Variants in BCL2 observed in about 807,000 individuals in gnomAD.
The protein encoded by BCL2 is apoptosis regulator Bcl-2.
A neutral mutation model predicts 14.2 loss-of-function variants in BCL2; 1 was observed. The ratio of observed to expected loss-of-function variants is 0.07; its 90% CI spans 0.02 to 0.33. BCL2 has a LOEUF of 0.33. Among genes scored for constraint, BCL2 ranks in the 10% least tolerant of loss-of-function variants. The pLI, the probability that BCL2 is intolerant of heterozygous loss-of-function variation, is 0.99. For missense variants in BCL2, 247 were observed against 305.9 expected, an observed-to-expected ratio of 0.81 and a Z score of 1.44; for synonymous variants, 151 against 137.2, an observed-to-expected ratio of 1.10 and a Z score of -0.70.
chr18:63,296,491 G>T (rs1568261717), intron 2 of BCL2, among the ~76,000 whole-genome samples: 1 of 152,148 alleles, frequency 6.6e-6, no homozygotes, highest in Non-Finnish European at 1.5e-5. Flanking sequence ...TTTTGTAGAG[G>T]CAGGGTTTTG....
chr18:63,274,127 T>C (rs565506081), intron 2 of BCL2, among the ~76,000 whole-genome samples: 2 of 151,436 alleles, frequency 1.3e-5, no homozygotes, highest in South Asian at 2.1e-4. Context: ...GGGAGAGATA[T>C]TTTTTCTCTC....
chr18:63,181,657 C>T (rs1915483789), intron 2 of BCL2, among the ~76,000 whole-genome samples: 1 of 152,232 alleles, frequency 6.6e-6, no homozygotes, highest in South Asian at 2.1e-4. Flanking sequence ...CATCATTAAG[C>T]TTCCCTTGCA....
At chr18:63,274,152 G>A (rs919028592) in intron 2 of BCL2, among the ~76,000 whole-genome samples, 1 of 151,968 alleles carries the variant, frequency 6.6e-6, no homozygotes, top group Non-Finnish European at 1.5e-5. Context: ...CTCTGAGTTG[G>A]CCAAATCTGG....
At chr18:63,272,887 T>C (rs1173343704) in intron 2 of BCL2, among the ~76,000 whole-genome samples, 1 of 152,220 alleles carries the variant, frequency 6.6e-6, no homozygotes, top group Admixed American at 6.5e-5. Context: ...TAAAAGCTAA[T>C]TATCCTATCT....
intron 2 of BCL2, among the ~76,000 whole-genome samples, chr18:63,196,209 CAAAG>C (rs1351376303): frequency 2.6e-5 from 4 of 152,214 alleles, no homozygotes; most frequent in African/African-American, 9.6e-5. Flanking sequence ...CAATGAACCA[CAAAG>C]AATCTTTCAG....
intron 2 of BCL2, among the ~76,000 whole-genome samples, chr18:63,267,075 C>T (rs1417372610): frequency 1.3e-5 from 2 of 152,132 alleles, no homozygotes; most frequent in Non-Finnish European, 2.9e-5. Flanking sequence ...TGAGGAGATG[C>T]TCGCACTGAG....
chr18:63,221,695 C>T lies in BCL2; in HGVS notation c.586-92936G>A, dbSNP rs376174113. The stretch of plus-strand genomic sequence containing the variant: ...CAAAGCCTCAAAAAGTCACCCTAAC[C>T]ATGAAAAGGTGGACTAAAGCACTCT... On this transcript the variant is annotated intron_variant, in intron 2 of 2. Coordinates refer to ENST00000333681, the MANE Select transcript of BCL2 (RefSeq NM_000633.3). 2.0e-5 allele frequency among the ~76,000 whole-genome samples: 3 copies of T among 152,158 alleles called. No homozygotes were observed. In the East Asian group the frequency reaches 5.8e-4, roughly 29 times the overall value.
In BCL2 at chr18:63,212,206, G is replaced by A. The variant is rs573178527; in HGVS notation, c.586-83447C>T. Reference sequence around the variant, plus strand: ...CTGGGCGTGGTGGCGGGCGCCTGTAGTCCCAGCTACTCGGGAGGCTGAGGC... The same window carrying A: ...CTGGGCGTGGTGGCGGGCGCCTGTAATCCCAGCTACTCGGGAGGCTGAGGC... On this transcript the variant is annotated intron_variant, in intron 2 of 2. Transcript: ENST00000333681. Among the ~76,000 whole-genome samples the A allele has an allele frequency of 6.1e-3, 924 of 151,316 alleles. 12 individuals are homozygous for A. The highest frequency in any genetic ancestry group is 0.013 in the African/African-American group (526 of 41,368).
At chr18:63,206,737 G>A (rs969984381) in intron 2 of BCL2, among the ~76,000 whole-genome samples, 5 of 152,234 alleles carry the variant, frequency 3.3e-5, no homozygotes, top group East Asian at 1.9e-4. Context: ...GACACTGATC[G>A]GACAGGATTT....
At chr18:63,230,204 A>G (rs1910654949) in intron 2 of BCL2, among the ~76,000 whole-genome samples, 1 of 152,216 alleles carries the variant, frequency 6.6e-6, no homozygotes, top group African/African-American at 2.4e-5. Context: ...AAATTGAGAT[A>G]GATAAAACCA....
intron 2 of BCL2, among the ~76,000 whole-genome samples, chr18:63,148,195 C>G (rs1646414848): frequency 6.6e-6 from 1 of 152,154 alleles, no homozygotes; most frequent in Non-Finnish European, 1.5e-5. Flanking sequence ...GAGGACTTTG[C>G]CTTGTTTGGA....
At chr18:63,306,711 A>T (rs946995259) in intron 2 of BCL2, among the ~76,000 whole-genome samples, 10 of 152,142 alleles carry the variant, frequency 6.6e-5, no homozygotes, top group Non-Finnish European at 2.9e-5. Flanking sequence ...AGCTTTAAAC[A>T]TGCTCTCCTG....
chr18:63,210,642 A>T (rs1476932410), intron 2 of BCL2, among the ~76,000 whole-genome samples: 1 of 152,252 alleles, frequency 6.6e-6, no homozygotes, highest in Non-Finnish European at 1.5e-5. Flanking sequence ...GGATGAAAAG[A>T]TAATATTTTA....
intron 2 of BCL2, among the ~76,000 whole-genome samples, chr18:63,206,808 G>T (rs544720523): frequency 6.6e-6 from 1 of 152,136 alleles, no homozygotes; most frequent in East Asian, 1.9e-4. Context: ...GCAGGGGCAC[G>T]GCCTTGGGAC....
chr18:63,266,604 ATCTC>A (rs36078664), intron 2 of BCL2, among the ~76,000 whole-genome samples: 40,818 of 141,248 alleles, frequency 0.29, 5,880 homozygotes, highest in Admixed American at 0.32. Context: ...TGGAACATAA[ATCTC>A]TCTCTCTCTC....
intron 2 of BCL2, among the ~76,000 whole-genome samples, chr18:63,259,645 C>T (rs1911595997): frequency 6.6e-6 from 1 of 152,244 alleles, no homozygotes. Flanking sequence ...CAGTGGTTAC[C>T]TTACCCACCT....
intron 2 of BCL2, among the ~76,000 whole-genome samples, chr18:63,229,413 T>TC (rs1599258078): frequency 6.6e-6 from 1 of 152,098 alleles, no homozygotes; most frequent in East Asian, 1.9e-4. Context: ...TGAGTATTTG[T>TC]CCCCCCGAAT....
chr18:63,273,211 G>C (rs1912052566), intron 2 of BCL2, among the ~76,000 whole-genome samples: 1 of 152,178 alleles, frequency 6.6e-6, no homozygotes, highest in African/African-American at 2.4e-5. Context: ...GCTTTCTCTT[G>C]GTTAGGTCTT....
chr18:63,263,847 C>T (rs538984158), intron 2 of BCL2, among the ~76,000 whole-genome samples: 7 of 152,206 alleles, frequency 4.6e-5, no homozygotes, highest in African/African-American at 9.6e-5. Context: ...TTTTTTTAGA[C>T]GGAGTTTCAC....
Sources: gnomAD v4.1 joint callset for allele counts (sites outside exome capture counted in the v4.1 genomes callset) on GRCh38, gnomAD v4.1.1 for gene constraint, MANE v1.5 for transcripts, NCBI Gene and HGNC (gene_info 2026-07-23, HGNC 2026-07-21) for gene names.